EXOC4: variants seen among roughly 807,000 people sequenced by gnomAD.
EXOC4 encodes the protein exocyst complex component 4, also known as SEC8-like 1.
EXOC4 carries 71 observed loss-of-function variants against 107.2 expected under a neutral mutation model. That is an observed-to-expected ratio of 0.66 (90% CI 0.55 to 0.81). The LOEUF is 0.81. Among genes scored for constraint, EXOC4 ranks in the 30% least tolerant of loss-of-function variants. EXOC4 has a pLI of 0.00. For missense variants in EXOC4, 1,108 were observed against 1,189.6 expected (o/e 0.93, Z 1.01); for synonymous variants, 456 against 441.2 (o/e 1.03, Z -0.42).
intron 6 of EXOC4, among the ~76,000 whole-genome samples, chr7:133,358,942 T>C (rs1796082140): frequency 1.3e-5 from 2 of 152,220 alleles, no homozygotes; most frequent in Non-Finnish European, 2.9e-5. Context: ...TTAAGTGTCT[T>C]TCGTTTGTCC....
intron 10 of EXOC4, among the ~76,000 whole-genome samples, chr7:133,658,281 A>G (rs914555603): frequency 6.6e-6 from 1 of 152,144 alleles, no homozygotes; most frequent in African/African-American, 2.4e-5. Flanking sequence ...TAGCTCTTGC[A>G]CTTTCTCACC....
At chr7:133,992,543 A>G (rs908463342) in intron 14 of EXOC4, among the ~76,000 whole-genome samples, 1 of 151,958 alleles carries the variant, frequency 6.6e-6, no homozygotes, top group Admixed American at 6.6e-5. Flanking sequence ...TCAGGCTCCC[A>G]AAGTGCTGGG....
At chr7:133,786,109 A>G (rs1328794928) in intron 10 of EXOC4, among the ~76,000 whole-genome samples, 1 of 152,262 alleles carries the variant, frequency 6.6e-6, no homozygotes, top group Admixed American at 6.5e-5. Flanking sequence ...AACCAATACA[A>G]AAAAGCAGAA....
At chr7:133,523,746 T>A (rs1235838324) in intron 9 of EXOC4, among the ~76,000 whole-genome samples, 1 of 152,148 alleles carries the variant, frequency 6.6e-6, no homozygotes, top group African/African-American at 2.4e-5. Context: ...TCCAATTTCA[T>A]CCATGTCCCT....
At chr7:133,460,490 TAAATA>T (rs1027245770) in intron 7 of EXOC4, among the ~76,000 whole-genome samples, 4 of 152,232 alleles carry the variant, frequency 2.6e-5, no homozygotes, top group Non-Finnish European at 5.9e-5. Flanking sequence ...GTGTAGTGCG[TAAATA>T]AAATAGTTTA....
intron 7 of EXOC4, among the ~76,000 whole-genome samples, chr7:133,435,257 G>A (rs1241252376): frequency 2.0e-5 from 3 of 151,964 alleles, no homozygotes; most frequent in Admixed American, 2.0e-4. Context: ...CACGGACAAC[G>A]TTCCATCGTG....
chr7:133,662,579 C>A (rs577829862), intron 10 of EXOC4, among the ~76,000 whole-genome samples: 125 of 151,854 alleles, frequency 8.2e-4, no homozygotes, highest in African/African-American at 2.9e-3. Context: ...AGTTTAAGAG[C>A]GTTATTTAAT....
At chr7:133,514,225 C>T (rs1466776902) in intron 9 of EXOC4, among the ~76,000 whole-genome samples, 1 of 151,526 alleles carries the variant, frequency 6.6e-6, no homozygotes, top group Non-Finnish European at 1.5e-5. Flanking sequence ...AGTGCATTGG[C>T]GCGATCTCAG....
intron 5 of EXOC4, among the ~76,000 whole-genome samples, chr7:133,333,083 T>G (rs1236253832): frequency 1.3e-5 from 2 of 152,246 alleles, no homozygotes; most frequent in Non-Finnish European, 2.9e-5. Flanking sequence ...AAATCATGAT[T>G]TTCTTTTTCT....
chr7:133,952,887 A>G (rs567851725), intron 14 of EXOC4, among the ~76,000 whole-genome samples: 1 of 152,280 alleles, frequency 6.6e-6, no homozygotes, highest in African/African-American at 2.4e-5. Context: ...TTATTTCTCC[A>G]TTCATCCATC....
At chr7:133,628,214 T>C (rs761752565) in intron 9 of EXOC4, among the ~76,000 whole-genome samples, 3 of 152,324 alleles carry the variant, frequency 2.0e-5, no homozygotes, top group South Asian at 4.1e-4. Flanking sequence ...TAGTGAAATG[T>C]CACTTTTATA....
At chr7:133,749,083 A>G (rs1273311326) in intron 10 of EXOC4, among the ~76,000 whole-genome samples, 1 of 152,216 alleles carries the variant, frequency 6.6e-6, no homozygotes, top group East Asian at 1.9e-4. Context: ...GCCTGTTTTC[A>G]TACATGAGAG....
intron 12 of EXOC4, among the ~76,000 whole-genome samples, chr7:133,906,913 T>C (rs1296531467): frequency 6.6e-6 from 1 of 152,232 alleles, no homozygotes; most frequent in Non-Finnish European, 1.5e-5. Context: ...CCATGGCTTC[T>C]AATAGAACTG....
intron 10 of EXOC4, among the ~76,000 whole-genome samples, chr7:133,672,003 TC>T (rs1793957541): frequency 6.6e-6 from 1 of 152,140 alleles, no homozygotes; most frequent in Non-Finnish European, 1.5e-5. Context: ...ACTAGCACTG[TC>T]CAAAAGAACT....
chr7:133,823,880 A>ATATATATATATAT (rs1797618120), intron 11 of EXOC4, among the ~76,000 whole-genome samples: 1 of 20,786 alleles, frequency 4.8e-5, no homozygotes, highest in Non-Finnish European at 7.2e-5. Context: ...TATTATATAT[A>ATATATATATATAT]TATATATATA....
rs1796161929 is a variant in EXOC4, at chr7:134,065,538, C to T, written c.*1010C>T. On this transcript the variant is annotated 3_prime_UTR_variant, in exon 18 of 18. Coordinates refer to ENST00000253861, the MANE Select transcript of EXOC4 (RefSeq NM_021807.4). ...ACTGGACCTCACCATGTCCCCCGGT[C>T]ACCAGTCCTCTTGCTGCCCATGGTT... The T allele has an allele frequency of 6.6e-6, 1 of 152,252 alleles. No homozygotes were observed. Among genetic ancestry groups the T allele is most frequent in the Non-Finnish European group, 1.5e-5 (1 of 68,138 alleles). 9.4% of individuals were successfully genotyped at this position (152,252 alleles called of 1,614,324 possible).
intron 11 of EXOC4, among the ~76,000 whole-genome samples, chr7:133,827,945 G>A (rs551428933): frequency 2.2e-4 from 34 of 152,170 alleles, no homozygotes; most frequent in African/African-American, 7.7e-4. Context: ...GGTTTTAAAG[G>A]AAGTCTCTGA....
At chr7:133,364,270 A>G (rs1204341941) in intron 6 of EXOC4, among the ~76,000 whole-genome samples, 1 of 151,706 alleles carries the variant, frequency 6.6e-6, no homozygotes, top group African/African-American at 2.4e-5. Flanking sequence ...AGTTGGGACT[A>G]CAGTTATATG....
intron 17 of EXOC4, among the ~76,000 whole-genome samples, chr7:134,030,237 G>T (rs1034688368): frequency 6.6e-6 from 1 of 152,174 alleles, no homozygotes; most frequent in Non-Finnish European, 1.5e-5. Flanking sequence ...ATACCCAAGA[G>T]AAATGAAAAG....
Sources: allele counts gnomAD v4.1 joint callset (sites outside exome capture counted in the v4.1 genomes callset), GRCh38; gene constraint gnomAD v4.1.1; transcripts MANE v1.5; gene names NCBI Gene and HGNC (gene_info 2026-07-23, HGNC 2026-07-21).